The following EMC3 variants were observed in gnomAD, a reference collection of about 807,000 sequenced individuals.
EMC3 encodes 30 kDa protein.
In EMC3, 13 loss-of-function variants were observed where a neutral mutation model predicts 36.6. That is an observed-to-expected ratio of 0.35 (90% confidence interval 0.23 to 0.56). The LOEUF (loss-of-function observed/expected upper bound fraction) is 0.56, where lower values mean the gene tolerates loss of function less well. Among genes scored for constraint, EMC3 ranks in the 20% least tolerant of loss-of-function variants. The pLI, the probability that EMC3 is intolerant of heterozygous loss-of-function variation, is 0.84. For synonymous variants in EMC3, 120 were observed against 111.9 expected, an observed-to-expected ratio of 1.07 and a Z score of -0.46; for missense variants, 220 against 324.5, an observed-to-expected ratio of 0.68 and a Z score of 2.47.
chr3:9,977,186 C>T (rs954794041), intron 2 of EMC3, 136 bp from the exon 3 acceptor site: 52 of 858,188 alleles, frequency 6.1e-5, no homozygotes, highest in African/African-American at 8.6e-5. Context: ...ACTTGGCAGG[C>T]GACCTGACAC....
At chr3:9,970,891 C>A (rs1451372298) in intron 5 of EMC3, among the ~76,000 whole-genome samples, 4 of 152,068 alleles carry the variant, frequency 2.6e-5, no homozygotes, top group Non-Finnish European at 5.9e-5. Context: ...GAATTCCATT[C>A]CCTAGAGGAA....
rs764699608 is a variant in EMC3, at chr3:9,986,583, C to T, written c.79G>A (p.Val27Ile). The T allele has an allele frequency of 6.2e-7, 1 of 1,614,174 alleles. No homozygotes were observed. ...VLPIVIITFF[V>I]GMIRHYVSIL... ...GACACGTAGTGGCGGATCATGCCTA[C>T]GAAGAAAGTGATGATAACGATGGGT... Residue 27 changes from valine to isoleucine, a missense_variant, in exon 1 of 8, where the codon GTA becomes ATA. Physicochemically the swap from Val to Ile is conservative, Grantham distance 29. Coordinates refer to ENST00000245046, the MANE Select transcript of EMC3 (RefSeq NM_001394674.1).
intron 1 of EMC3, among the ~76,000 whole-genome samples, chr3:9,983,517 CA>C (rs2085934752): frequency 6.6e-6 from 1 of 151,998 alleles, no homozygotes. Context: ...TACTAAAATA[CA>C]AAAATTAGCC....
At chr3:10,009,623 A>G (rs2086302336) in intron 1 of EMC3, among the ~76,000 whole-genome samples, 1 of 152,192 alleles carries the variant, frequency 6.6e-6, no homozygotes, top group Non-Finnish European at 1.5e-5. Flanking sequence ...GTTTTCTTGA[A>G]GCCGAGTTCC....
chr3:9,990,009 T>C (rs2086028189), upstream of EMC3, among the ~76,000 whole-genome samples: 1 of 150,004 alleles, frequency 6.7e-6, no homozygotes. Flanking sequence ...TTGCCCTGAA[T>C]ACACTCCCAG....
At chr3:9,990,113 C>T (rs2124924777), upstream of EMC3, among the ~76,000 whole-genome samples, 1 of 151,920 alleles carries the variant, frequency 6.6e-6, no homozygotes, top group South Asian at 2.1e-4. Flanking sequence ...CAAGCTCCAC[C>T]TCCTGGGTTC....
At chr3:9,999,988 T>A (rs1253220578) in intron 1 of EMC3, among the ~76,000 whole-genome samples, 1 of 152,212 alleles carries the variant, frequency 6.6e-6, no homozygotes, top group East Asian at 1.9e-4. Flanking sequence ...TAAATAAATC[T>A]AAATATAAAA....
chr3:9,986,393 G>T, intron 1 of EMC3, 114 bp downstream of exon 1: 1 of 1,237,708 alleles, frequency 8.1e-7, no homozygotes, highest in South Asian at 1.4e-5. Flanking sequence ...AACGGGTAAG[G>T]TCACCCTGTC....
At chr3:10,005,640 CT>C (rs1397763891) in intron 1 of EMC3, among the ~76,000 whole-genome samples, 2 of 152,140 alleles carry the variant, frequency 1.3e-5, no homozygotes, top group African/African-American at 4.8e-5. Flanking sequence ...GTGTCCTTCA[CT>C]GTAACTGATG....
intron 1 of EMC3, among the ~76,000 whole-genome samples, chr3:9,984,939 C>G (rs1036946156): frequency 6.6e-6 from 1 of 152,134 alleles, no homozygotes; most frequent in Non-Finnish European, 1.5e-5. Context: ...CAATATGTAC[C>G]TCATAGAGTT....
chr3:9,991,920 T>C (rs1264290969), intron 1 of EMC3, among the ~76,000 whole-genome samples: 1 of 152,134 alleles, frequency 6.6e-6, no homozygotes, highest in African/African-American at 2.4e-5. Context: ...ATCCTGCGCA[T>C]GTGCAGTTCA....
intron 1 of EMC3, among the ~76,000 whole-genome samples, chr3:9,992,415 C>G (rs966018947): frequency 6.6e-5 from 10 of 152,162 alleles, no homozygotes; most frequent in African/African-American, 2.4e-4. Context: ...TGTGAGCCCC[C>G]ACGCCCAGCC....
intron 2 of EMC3, 107 bp from the exon 3 acceptor site, chr3:9,977,157 C>T (rs1656966889): frequency 7.5e-6 from 7 of 934,734 alleles, no homozygotes; most frequent in African/African-American, 1.7e-5. Flanking sequence ...TATGCTGTTC[C>T]GCTCAGAGCT....
At chr3:9,965,072 G>T (rs951824458) in intron 7 of EMC3, among the ~76,000 whole-genome samples, 2 of 146,936 alleles carry the variant, frequency 1.4e-5, no homozygotes, top group African/African-American at 5.1e-5. Context: ...GATGAGCCTA[G>T]AGATAGTAAT....
upstream of EMC3, among the ~76,000 whole-genome samples, chr3:9,991,503 T>G (rs1559356215): frequency 6.6e-6 from 1 of 152,154 alleles, no homozygotes; most frequent in Non-Finnish European, 1.5e-5. Context: ...GAATCTTAAC[T>G]ATGATTATGG....
chr3:10,002,684 A>C (rs1397467121), intron 1 of EMC3: 2 of 389,122 alleles, frequency 5.1e-6, no homozygotes, highest in Non-Finnish European at 1.0e-5. Context: ...CTGGCTCAAC[A>C]AGCCCCTGAG....
Position 9,964,097 on chromosome 3 carries a change from T to C in EMC3, c.758A>G (p.Lys253Arg), listed in dbSNP as rs1436844507. 1 of 1,614,216 alleles carries C rather than the reference T, an allele frequency of 6.2e-7. No homozygotes were observed. The change falls in exon 8 of 8, where the codon AAA becomes AGA. Residue 253 changes from lysine to arginine, a missense_variant. Coordinates refer to ENST00000245046, the MANE Select transcript of EMC3 (RefSeq NM_001394674.1). ...AKDLHFEGMF[K>R]KELQTSIF is the part of the protein sequence containing the mutation. ...AAAAATAGAGGTCTGTAATTCCTTT[T>C]TGAACATGCCTTCGAAGTGGAGGTC...
At chr3:9,978,459 G>C (rs896380947) in intron 1 of EMC3, among the ~76,000 whole-genome samples, 3 of 151,928 alleles carry the variant, frequency 2.0e-5, no homozygotes, top group African/African-American at 7.3e-5. Context: ...GAGGAAAAGA[G>C]GAAAAGGCCC....
intron 1 of EMC3, among the ~76,000 whole-genome samples, chr3:9,985,804 G>T (rs903541559): frequency 6.6e-6 from 1 of 152,190 alleles, no homozygotes; most frequent in Non-Finnish European, 1.5e-5. Flanking sequence ...TGAGGCAAGA[G>T]AATCGCTTGA....
Sources: gnomAD v4.1 joint callset for allele counts (sites outside exome capture counted in the v4.1 genomes callset) on GRCh38, gnomAD v4.1.1 for gene constraint, MANE v1.5 for transcripts, NCBI Gene and HGNC (gene_info 2026-07-23, HGNC 2026-07-21) for gene names.